PWWP2A: variants seen among roughly 807,000 people sequenced by gnomAD.
PWWP2A encodes PWWP domain-containing protein 2A.
Under a neutral mutation model 48.5 loss-of-function variants are expected in PWWP2A, and 18 were observed. That is an observed-to-expected ratio of 0.37 (90% confidence interval 0.26 to 0.55). The LOEUF (loss-of-function observed/expected upper bound fraction) is 0.55. Ranked by LOEUF, PWWP2A falls within the 20% of genes least tolerant of loss-of-function variation. The pLI is 0.81. For missense variants in PWWP2A, 867 were observed against 976.4 expected (o/e 0.89, Z 1.49); for synonymous variants, 396 against 387.7 (o/e 1.02, Z -0.25).
chr5:160,100,052 G>A (rs1385235161), intron 1 of PWWP2A, among the ~76,000 whole-genome samples: 4 of 151,952 alleles, frequency 2.6e-5, no homozygotes, highest in Non-Finnish European at 4.4e-5. Context: ...TGTAATCGCA[G>A]CACTTTGGGA....
chr5:160,098,223 G>A (rs758342285), intron 1 of PWWP2A, among the ~76,000 whole-genome samples: 9 of 152,100 alleles, frequency 5.9e-5, no homozygotes, highest in Non-Finnish European at 8.8e-5. Context: ...ATACTCAAGC[G>A]TTAAATGCTT....
At chr5:160,058,702 C>T (rs573390415), downstream of PWWP2A, among the ~76,000 whole-genome samples, 152 of 152,180 alleles carry the variant, frequency 1.0e-3, no homozygotes, top group African/African-American at 3.3e-3. Flanking sequence ...TGAGCCACCG[C>T]GCCTGGCCAA....
At chr5:160,085,026 T>TTTTA (rs1016530638) in intron 2 of PWWP2A, among the ~76,000 whole-genome samples, 15 of 151,672 alleles carry the variant, frequency 9.9e-5, no homozygotes, top group South Asian at 2.1e-4. Context: ...CTGATATGCA[T>TTTTA]TTTATTTATT....
At chr5:160,107,976 G>T (rs897494713) in intron 1 of PWWP2A, among the ~76,000 whole-genome samples, 1 of 151,430 alleles carries the variant, frequency 6.6e-6, no homozygotes, top group African/African-American at 2.4e-5. Context: ...ACTCTGGCCT[G>T]GGCGACAAAA....
the PWWP2A span, among the ~76,000 whole-genome samples, chr5:160,054,315 T>C: frequency 6.6e-6 from 1 of 152,196 alleles, no homozygotes; most frequent in Non-Finnish European, 1.5e-5. Flanking sequence ...TTTTCTTAAA[T>C]AGCTGGGAAA....
chr5:160,093,732 G>A lies in PWWP2A; in HGVS notation c.918C>T (p.Pro306=). The change falls in exon 2 of 2, where the codon CCC becomes CCT. Residue 306 remains proline (P), a synonymous_variant. Transcript: ENST00000307063. This position sits in a 1 kb window ranked among gnomAD's most constrained non-coding sequence, Gnocchi z 5.8. ...RPKRKMYREE[P]TSIMNAIKLR... ...GTTTAATAGCATTCATTATTGAAGTGGGTTCTTCCCTGTACATTTTTCGTT... is the reference window on the plus strand; with the variant it reads ...GTTTAATAGCATTCATTATTGAAGTAGGTTCTTCCCTGTACATTTTTCGTT... The A allele has an allele frequency of 6.2e-7, 1 of 1,613,964 alleles. No individual in the cohort carries two copies. The highest frequency in any genetic ancestry group is 8.5e-7 in the Non-Finnish European group (1 of 1,179,882).
the PWWP2A span, among the ~76,000 whole-genome samples, chr5:160,045,664 T>G: frequency 6.6e-6 from 1 of 151,890 alleles, no homozygotes; most frequent in Non-Finnish European, 1.5e-5. Flanking sequence ...AAGTTTAAGT[T>G]CATTCTCACC....
the PWWP2A span, among the ~76,000 whole-genome samples, chr5:160,055,673 C>T: frequency 6.6e-6 from 1 of 152,318 alleles, no homozygotes; most frequent in South Asian, 2.1e-4. Flanking sequence ...GATGCACACT[C>T]AACTTTAATG....
intron 1 of PWWP2A, among the ~76,000 whole-genome samples, chr5:160,116,483 T>C (rs1758156063): frequency 1.3e-5 from 2 of 151,980 alleles, no homozygotes; most frequent in African/African-American, 2.4e-5. Flanking sequence ...AAATAAATAA[T>C]AGTAATAGGA....
chr5:160,083,604 G>A (rs73311127), intron 2 of PWWP2A, among the ~76,000 whole-genome samples: 1,943 of 152,226 alleles, frequency 0.013, 47 homozygotes, highest in African/African-American at 0.044. Context: ...ACATCTTTGT[G>A]AAGTTCTCCT....
chr5:160,105,587 A>G (rs747641516), intron 1 of PWWP2A: 1 of 546,232 alleles, frequency 1.8e-6, no homozygotes, highest in African/African-American at 2.1e-5. Flanking sequence ...TGGAAAAAAG[A>G]AAGCAAGCAT....
intron 4 of PWWP2A, among the ~76,000 whole-genome samples, chr5:160,066,395 C>A (rs530571044): frequency 6.7e-6 from 1 of 149,470 alleles, no homozygotes; most frequent in East Asian, 2.0e-4. Flanking sequence ...CTCCCAGGCT[C>A]AAGCAATTCT....
downstream of PWWP2A, among the ~76,000 whole-genome samples, chr5:160,088,434 AGAC>A (rs1475221387): frequency 1.3e-5 from 2 of 152,114 alleles, no homozygotes; most frequent in Admixed American, 6.6e-5. Context: ...GGTTTAATAG[AGAC>A]GGGGGTTTCG....
rs1755119699 is a variant in PWWP2A, at chr5:160,092,013, G to GATATAC, written c.*368_*369insGTATAT. The GATATAC allele has an allele frequency of 3.2e-6, 1 of 310,614 alleles. No individual in the cohort carries two copies. Among genetic ancestry groups the GATATAC allele is most frequent in the Admixed American group, 8.1e-5 (1 of 12,422 alleles). The allele number at this position is 310,614 out of a possible 1,614,324, so 19.2% of individuals were successfully genotyped here. A position where few individuals can be genotyped will look rare whatever the true frequency, so the allele number is the denominator to read the frequency against. On this transcript the variant is annotated 3_prime_UTR_variant, in exon 2 of 2. Coordinates refer to ENST00000307063, the MANE Select transcript of PWWP2A (RefSeq NM_001130864.2). ...ATATGTGTGTATATATACATACACGGATATATATATATACACACACACACA... is the reference window on the plus strand; with the variant it reads ...ATATGTGTGTATATATACATACACGGATATACATATATATATATACACACACACACA...
At chr5:160,070,574 T>C (rs1214073350) in intron 2 of PWWP2A, among the ~76,000 whole-genome samples, 1 of 152,232 alleles carries the variant, frequency 6.6e-6, no homozygotes, top group Non-Finnish European at 1.5e-5. Flanking sequence ...TTTTAGCCTT[T>C]TGCTCCTTGT....
chr5:160,109,526 CTT>C (rs545366283), intron 1 of PWWP2A, among the ~76,000 whole-genome samples: 85 of 151,714 alleles, frequency 5.6e-4, no homozygotes, highest in African/African-American at 2.0e-3. Flanking sequence ...TGCAAATAGT[CTT>C]GAGTGGTTCA....
At chr5:160,062,661 C>T (rs750812199) in intron 5 of PWWP2A, among the ~76,000 whole-genome samples, 10 of 152,182 alleles carry the variant, frequency 6.6e-5, no homozygotes, top group Non-Finnish European at 1.3e-4. Flanking sequence ...AGTGGACCAT[C>T]CAGAGTAGGC....
chr5:160,113,853 G>A (rs1485660611), intron 1 of PWWP2A, among the ~76,000 whole-genome samples: 1 of 152,166 alleles, frequency 6.6e-6, no homozygotes, highest in Non-Finnish European at 1.5e-5. Context: ...CTAAAACTTA[G>A]CCCAACTAGC....
chr5:160,046,370 C>G, the PWWP2A span, among the ~76,000 whole-genome samples: 1 of 152,108 alleles, frequency 6.6e-6, no homozygotes, highest in African/African-American at 2.4e-5. Context: ...TTAATGAACT[C>G]TATTCATTTT....
Sources: allele counts gnomAD v4.1 joint callset (sites outside exome capture counted in the v4.1 genomes callset), GRCh38; gene constraint gnomAD v4.1.1; non-coding constraint Gnocchi (gnomAD v3.1); transcripts MANE v1.5; gene names NCBI Gene and HGNC (gene_info 2026-07-23, HGNC 2026-07-21).